Variants in ADAMTS19 observed in about 807,000 individuals in gnomAD.
ADAMTS19 encodes ADAM metallopeptidase with thrombospondin type 1 motif 19.
ADAMTS19 carries 93 observed loss-of-function variants against 153.3 expected under a neutral mutation model. That is an observed-to-expected ratio of 0.61 (90% CI 0.51 to 0.72). ADAMTS19 has a LOEUF of 0.72. ADAMTS19 is among the 30% of genes least tolerant of loss of function. The probability of loss-of-function intolerance (pLI) is 0.00; values close to 1 mark genes in which losing one functional copy is unlikely to be tolerated. For missense variants in ADAMTS19, 1,482 were observed against 1,552.1 expected (o/e 0.95, Z 0.76); for synonymous variants, 600 against 556.6 (o/e 1.08, Z -1.10).
intron 16 of ADAMTS19, among the ~76,000 whole-genome samples, chr5:129,674,702 T>G (rs1754478765): frequency 6.6e-6 from 1 of 152,188 alleles, no homozygotes; most frequent in Admixed American, 6.5e-5. Context: ...CTTTTTGCTA[T>G]TATGCATCTT....
At chr5:129,506,040 A>T (rs566919331) in intron 2 of ADAMTS19, among the ~76,000 whole-genome samples, 4 of 152,344 alleles carry the variant, frequency 2.6e-5, no homozygotes, top group South Asian at 4.1e-4. Flanking sequence ...GCACAGGGGC[A>T]CTTGTGCAGA....
chr5:129,724,526 G>T (rs981532231), intron 21 of ADAMTS19, among the ~76,000 whole-genome samples: 2 of 152,168 alleles, frequency 1.3e-5, no homozygotes, highest in African/African-American at 2.4e-5. Flanking sequence ...AAGTTTTATA[G>T]CAGGAGTGAA....
chr5:129,717,799 G>A (rs1756798735), intron 21 of ADAMTS19, among the ~76,000 whole-genome samples: 1 of 152,140 alleles, frequency 6.6e-6, no homozygotes, highest in Admixed American at 6.5e-5. Flanking sequence ...AATGCTATCT[G>A]TGCTATTTTA....
chr5:129,539,813 A>C (rs576590787), intron 6 of ADAMTS19, among the ~76,000 whole-genome samples: 1 of 152,190 alleles, frequency 6.6e-6, no homozygotes, highest in Admixed American at 6.6e-5. Context: ...ACTGACGAAT[A>C]CTGGCAAACT....
intron 21 of ADAMTS19, 90 bp downstream of exon 21, chr5:129,704,481 A>G: frequency 7.0e-7 from 1 of 1,427,410 alleles, no homozygotes; most frequent in Non-Finnish European, 9.5e-7. Context: ...GGAGTTTAGG[A>G]GGGAAGGAGA....
chr5:129,511,912 G>A (rs1349100515), intron 3 of ADAMTS19, among the ~76,000 whole-genome samples: 2 of 151,954 alleles, frequency 1.3e-5, no homozygotes, highest in Non-Finnish European at 2.9e-5. Flanking sequence ...AGTTTTTAGT[G>A]CATGCTGTTA....
chr5:129,487,830 T>G (rs1370122287), intron 2 of ADAMTS19, among the ~76,000 whole-genome samples: 1 of 152,136 alleles, frequency 6.6e-6, no homozygotes, highest in African/African-American at 2.4e-5. Flanking sequence ...GCAAAACATA[T>G]GTCTTCAATT....
chr5:129,489,476 C>T (rs1211784079), intron 2 of ADAMTS19, among the ~76,000 whole-genome samples: 1 of 151,986 alleles, frequency 6.6e-6, no homozygotes, highest in Non-Finnish European at 1.5e-5. Context: ...GTATGAAATT[C>T]TTGATATATG....
intron 18 of ADAMTS19, 59 bp from the exon 19 acceptor site, chr5:129,694,661 C>T: frequency 7.7e-7 from 1 of 1,306,692 alleles, no homozygotes; most frequent in Admixed American, 2.8e-5. Flanking sequence ...ATGAACACCT[C>T]CTAAATCCAT....
At chr5:129,667,520 C>G (rs942545274) in intron 16 of ADAMTS19, among the ~76,000 whole-genome samples, 3 of 152,004 alleles carry the variant, frequency 2.0e-5, no homozygotes, top group Non-Finnish European at 4.4e-5. Context: ...GGTTTAGCAC[C>G]ATCCTCTTGG....
chr5:129,602,619 T>G (rs186005748), intron 8 of ADAMTS19, among the ~76,000 whole-genome samples: 9 of 152,342 alleles, frequency 5.9e-5, no homozygotes, highest in Non-Finnish European at 8.8e-5. Context: ...AATATTAATG[T>G]CATTCTCTTT....
At position 129,631,786 on chromosome 5, in the gene ADAMTS19, C is replaced by T. The variant is rs549033962; in HGVS notation, c.1770+9438C>T. On this transcript the variant is annotated intron_variant, in intron 10 of 22. Coordinates refer to ENST00000274487, the MANE Select transcript of ADAMTS19 (RefSeq NM_133638.6). ...ATAAGCATGTAGTTGTCTTGATATT[C>T]ATCTGTTATAAAAATTATAACCTTT... 2.7e-4 allele frequency among the ~76,000 whole-genome samples: 41 copies of T among 151,938 alleles called. 1 individual carries two copies. The highest frequency in any genetic ancestry group is 9.9e-4 in the African/African-American group (41 of 41,502).
intron 21 of ADAMTS19, among the ~76,000 whole-genome samples, chr5:129,728,699 T>G (rs1286957701): frequency 1.3e-5 from 2 of 152,150 alleles, no homozygotes; most frequent in African/African-American, 4.8e-5. Flanking sequence ...GCTTCCACAG[T>G]GGTAGTAATC....
intron 6 of ADAMTS19, among the ~76,000 whole-genome samples, chr5:129,533,536 A>C: frequency 6.6e-6 from 1 of 152,094 alleles, no homozygotes; most frequent in East Asian, 1.9e-4. Flanking sequence ...GGTCTTTTCA[A>C]AAACCCAGCT....
chr5:129,678,411 G>A (rs926615743), intron 16 of ADAMTS19, among the ~76,000 whole-genome samples: 4 of 151,986 alleles, frequency 2.6e-5, no homozygotes, highest in East Asian at 1.9e-4. Context: ...AGTTGCCTAC[G>A]TAACTTGTTT....
chr5:129,728,632 A>T (rs190513472), intron 21 of ADAMTS19, among the ~76,000 whole-genome samples: 1 of 152,238 alleles, frequency 6.6e-6, no homozygotes, highest in East Asian at 1.9e-4. Flanking sequence ...GTGGCTTTGT[A>T]GTGTAACTGA....
Position 129,704,465 on chromosome 5 carries a change from T to G in ADAMTS19, c.3312+74T>G. ...CATTGCCCTGGGTACTATAACCACA[T>G]AGCATGGAGTTTAGGAGGGAAGGAG... On this transcript the variant is annotated intron_variant, in intron 21 of 22. Transcript: ENST00000274487. 6.6e-6 allele frequency: 10 copies of G among 1,508,390 alleles called. No individual in the cohort carries two copies. The South Asian group carries it at 1.2e-4, about 18-fold the overall frequency. 93.4% of individuals were successfully genotyped at this position (1,508,390 alleles called of 1,614,324 possible).
At chr5:129,650,613 C>T (rs1165348332) in intron 13 of ADAMTS19, among the ~76,000 whole-genome samples, 1 of 152,208 alleles carries the variant, frequency 6.6e-6, no homozygotes. Context: ...CTTTCCAAGG[C>T]CAGTCCCTCC....
intron 2 of ADAMTS19, among the ~76,000 whole-genome samples, chr5:129,462,613 G>T (rs1253286089): frequency 2.1e-5 from 3 of 146,224 alleles, no homozygotes; most frequent in African/African-American, 7.9e-5. Context: ...GTGTGTGTGT[G>T]TGTGGGGGGG....
Sources: gnomAD v4.1 joint callset for allele counts (sites outside exome capture counted in the v4.1 genomes callset) on GRCh38, gnomAD v4.1.1 for gene constraint, MANE v1.5 for transcripts, NCBI Gene and HGNC (gene_info 2026-07-23, HGNC 2026-07-21) for gene names.